ZNF862: variants seen among roughly 807,000 people sequenced by gnomAD.
ZNF862 encodes the protein zinc finger protein 862.
A neutral mutation model predicts 91.1 loss-of-function variants in ZNF862; 64 were observed. The ratio of observed to expected loss-of-function variants is 0.70; its 90% CI spans 0.57 to 0.87. The LOEUF is 0.87. Among genes scored for constraint, ZNF862 ranks in the 40% least tolerant of loss-of-function variants. The pLI is 0.00. For missense variants in ZNF862, 1,459 were observed against 1,528.0 expected (o/e 0.95, Z 0.75); for synonymous variants, 631 against 618.1 (o/e 1.02, Z -0.31).
chr7:149,841,172 C>T (rs894653651), intron 1 of ZNF862: 24 of 985,294 alleles, frequency 2.4e-5, no homozygotes, highest in Middle Eastern at 5.2e-4. Context: ...CAAGGAATAG[C>T]GGTGCTGTTC....
At chr7:149,859,741 G>T in intron 6 of ZNF862, 2 of 537,334 alleles carry the variant, frequency 3.7e-6, no homozygotes, top group Non-Finnish European at 6.6e-6. Context: ...AGGTCCTTTT[G>T]TAAGCAGAAG....
At position 149,867,460 on chromosome 7, in the gene ZNF862, G is replaced by T. The variant is rs1451065747; in HGVS notation, c.*3176G>T. 1 of 152,350 alleles carries T rather than the reference G, an allele frequency of 6.6e-6. No individual in the cohort carries two copies. Among genetic ancestry groups the T allele is most frequent in the South Asian group, 2.1e-4 (1 of 4,818 alleles). The allele number at this position is 152,350 out of a possible 1,614,324, so 9.4% of individuals were successfully genotyped here. ...CCTAACCTTTTGCTACCTGAATAAA[G>T]CAGAGTCTATTTCAACACATCTCTG... On this transcript the variant is annotated 3_prime_UTR_variant, in exon 8 of 8. Transcript: ENST00000223210.
intron 1 of ZNF862, among the ~76,000 whole-genome samples, chr7:149,842,295 C>T (rs1162720492): frequency 6.6e-6 from 1 of 152,142 alleles, no homozygotes. Flanking sequence ...CGAGGCAATG[C>T]ACAGAGCTAA....
intron 1 of ZNF862, chr7:149,841,233 C>T (rs1428096092): frequency 1.0e-6 from 1 of 985,286 alleles, no homozygotes; most frequent in Non-Finnish European, 1.2e-6. Flanking sequence ...GGGAGACTAC[C>T]TCGTGAGATA....
chr7:149,861,633 G>A lies in ZNF862; in HGVS notation c.2473G>A (p.Ala825Thr). 1.2e-6 allele frequency: 2 copies of A among 1,604,604 alleles called. No individual in the cohort carries two copies. Among genetic ancestry groups the A allele is most frequent in the Non-Finnish European group, 1.7e-6 (2 of 1,177,202 alleles). ...AEAGGQIGHR[A>T]KGMLKLMRGF... ...GGCTGGGGGCCAGATTGGGCACCGG[G>A]CCAAAGGGATGCTGAAGCTCATGCG... Residue 825 changes from alanine (A) to threonine (T), a missense_variant, in exon 7 of 8, where the codon GCC (alanine) becomes ACC (threonine). Transcript: ENST00000223210. This position sits in a 1 kb window ranked among gnomAD's most constrained non-coding sequence, Gnocchi z 6.7.
rs1307885704 is a variant in ZNF862, at chr7:149,861,236, G to A, written c.2076G>A (p.Val692=). 6.2e-7 allele frequency: 1 copy of A among 1,612,174 alleles called. No homozygotes were observed. The highest frequency in any genetic ancestry group is 1.1e-5 in the South Asian group (1 of 90,898). Residue 692 remains valine, a synonymous_variant, in exon 7 of 8, where the codon GTG becomes GTA. Coordinates refer to ENST00000223210, the MANE Select transcript of ZNF862 (RefSeq NM_001099220.3). This position sits in a 1 kb window ranked among gnomAD's most constrained non-coding sequence, Gnocchi z 6.7. ...DIPFRKPGWV[V]GLGTDGSAML... is the part of the protein sequence containing the mutation. ...CCTTCCGGAAGCCTGGCTGGGTGGT[G>A]GGGCTGGGGACGGATGGCTCAGCCA...
Position 149,864,305 on chromosome 7 carries a change from C to G in ZNF862, c.*21C>G. ...CCTGAGGGACAGGGAGTCCTTGGGA[C>G]TGCCTTGGAGACGCCTCTGTGATCA... On this transcript the variant is annotated 3_prime_UTR_variant, in exon 8 of 8. Transcript: ENST00000223210. 2 of 1,581,958 alleles carry G rather than the reference C, an allele frequency of 1.3e-6. No homozygotes were observed. Among genetic ancestry groups the G allele is most frequent in the Non-Finnish European group, 1.7e-6 (2 of 1,165,114 alleles).
chr7:149,853,520 G>C (rs760761592), intron 5 of ZNF862, among the ~76,000 whole-genome samples: 9 of 152,232 alleles, frequency 5.9e-5, no homozygotes, highest in South Asian at 2.1e-4. Flanking sequence ...ATCAGGGTAC[G>C]GTATTCCTGG....
Position 149,861,882 on chromosome 7 carries a change from G to C in ZNF862, c.2722G>C (p.Asp908His). The C allele has an allele frequency of 6.2e-7, 1 of 1,613,750 alleles. No homozygotes were observed. Among genetic ancestry groups the C allele is most frequent in the Non-Finnish European group, 8.5e-7 (1 of 1,179,890 alleles). ...KDGRLHGICLDKLEVAEQRFQ... is the reference protein window; with the variant it reads ...KDGRLHGICLHKLEVAEQRFQ... ...TGGGCGGCTCCACGGCATCTGCTTG[G>C]ACAAACTGGAGGTAGCGGAACAGCG... The change falls in exon 7 of 8, where the codon GAC (aspartate) becomes CAC (histidine). Residue 908 changes from aspartate to histidine, a missense_variant. Coordinates refer to ENST00000223210, the MANE Select transcript of ZNF862 (RefSeq NM_001099220.3). This position sits in a 1 kb window ranked among gnomAD's most constrained non-coding sequence, Gnocchi z 6.7.
chr7:149,838,541 G>T lies in ZNF862; in HGVS notation c.-71G>T, dbSNP rs926532973. ...CTCCGGGAGCCTGGGTCCCCGGGGC[G>T]GTCGCGGCGGCTGCATCCTCAGGCC... On this transcript the variant is annotated 5_prime_UTR_variant, in exon 1 of 8. Transcript: ENST00000223210. 7.4e-6 allele frequency: 8 copies of T among 1,078,122 alleles called. No individual in the cohort carries two copies. The highest frequency in any genetic ancestry group is 4.3e-5 in the Admixed American group (1 of 23,488). The allele number at this position is 1,078,122 out of a possible 1,614,324, so 66.8% of individuals were successfully genotyped here.
chr7:149,853,805 GCA>G (rs1802157364), intron 5 of ZNF862, among the ~76,000 whole-genome samples: 1 of 152,026 alleles, frequency 6.6e-6, no homozygotes, highest in Non-Finnish European at 1.5e-5. Context: ...GAGCGTAGTG[GCA>G]CACACCCTTA....
rs79336798 is a variant in ZNF862, at chr7:149,838,947, C to T, written c.24+312C>T. 2.0e-5 allele frequency among the ~76,000 whole-genome samples: 3 copies of T among 152,268 alleles called. No individual in the cohort carries two copies. The East Asian group carries it at 5.8e-4, about 30-fold the overall frequency. ...TTCCTGTTTTCCCCACCACCTTCGG[C>T]GTTTTGAAGAGGCCCTGCTAAGGCT... On this transcript the variant is annotated intron_variant, in intron 1 of 7. Coordinates refer to ENST00000223210, the MANE Select transcript of ZNF862 (RefSeq NM_001099220.3).
In ZNF862 at chr7:149,867,397, T is replaced by G. The variant is rs1335726848; in HGVS notation, c.*3113T>G. On this transcript the variant is annotated 3_prime_UTR_variant, in exon 8 of 8. Transcript: ENST00000223210. ...CCCAGGGATGTTCTCTCCTCTATTT[T>G]CAAAGATGAAAGGAGGTTTTAAAAA... is the stretch of plus-strand genomic sequence containing the variant. The G allele has an allele frequency of 1.3e-5, 2 of 152,214 alleles. No homozygotes were observed. Among genetic ancestry groups the G allele is most frequent in the Non-Finnish European group, 1.5e-5 (1 of 68,050 alleles). The allele number at this position is 152,214 out of a possible 1,614,324, so 9.4% of individuals were successfully genotyped here. A position where few individuals can be genotyped will look rare whatever the true frequency, so the allele number is the denominator to read the frequency against.
rs371011983 is a variant in ZNF862 at position 149,844,479 on chromosome 7, C to G, written c.25-146C>G. ...TCTCGTTGTCACTGTGATCTGTACC[C>G]AGGTGGGGAGAGATGGGGTGTGGGC... On this transcript the variant is annotated intron_variant, in intron 1 of 7. Transcript: ENST00000223210. 2,234 of 589,934 alleles carry G rather than the reference C, an allele frequency of 3.8e-3. 7 individuals carry two copies. The highest frequency in any genetic ancestry group is 3.8e-3 in the Non-Finnish European group (1,250 of 326,054). 36.5% of individuals were successfully genotyped at this position (589,934 alleles called of 1,614,324 possible). A position where few individuals can be genotyped will look rare whatever the true frequency, so the allele number is the denominator to read the frequency against.
chr7:149,854,871 G>A (rs1372419751), intron 5 of ZNF862, among the ~76,000 whole-genome samples: 1 of 152,208 alleles, frequency 6.6e-6, no homozygotes, highest in Non-Finnish European at 1.5e-5. Context: ...AACAGCACCA[G>A]CTTTTAAAGA....
chr7:149,847,384 T>G (rs898619011), intron 3 of ZNF862, among the ~76,000 whole-genome samples: 1 of 152,210 alleles, frequency 6.6e-6, no homozygotes. Context: ...TATGTCAGTG[T>G]TCTTATCCAT....
At position 149,860,424 on chromosome 7, in the gene ZNF862, G is replaced by A. The variant is rs867223882; in HGVS notation, c.1264G>A (p.Ala422Thr). 6.2e-7 allele frequency: 1 copy of A among 1,613,614 alleles called. No individual in the cohort carries two copies. Among genetic ancestry groups the A allele is most frequent in the Middle Eastern group, 1.6e-4 (1 of 6,062 alleles). Residue 422 changes from alanine (A) to threonine (T), a missense_variant, in exon 7 of 8, where the codon GCC becomes ACC. By Grantham distance (58) the Ala-to-Thr change is moderately conservative (BLOSUM62 0). Coordinates refer to ENST00000223210, the MANE Select transcript of ZNF862 (RefSeq NM_001099220.3). ...GGCAGTGAGAGAGGCAGACACACAGGCCTCGGCTGCAGACTCCGCGTTGCT... is the reference window on the plus strand; with the variant it reads ...GGCAGTGAGAGAGGCAGACACACAGACCTCGGCTGCAGACTCCGCGTTGCT... ...MVAVREADTQ[A>T]SAADSALLPG...
chr7:149,846,689 G>T (rs1281026118), intron 3 of ZNF862, among the ~76,000 whole-genome samples: 1 of 152,306 alleles, frequency 6.6e-6, no homozygotes, highest in East Asian at 1.9e-4. Context: ...TCAGGGGTTG[G>T]CTTAGCCAGG....
chr7:149,853,035 G>A (rs1207195272), intron 5 of ZNF862, among the ~76,000 whole-genome samples: 1 of 152,222 alleles, frequency 6.6e-6, no homozygotes, highest in Non-Finnish European at 1.5e-5. Context: ...GCCTCCAAGT[G>A]GGGGCAGCCG....
Sources: gnomAD v4.1 joint callset for allele counts (sites outside exome capture counted in the v4.1 genomes callset) on GRCh38, gnomAD v4.1.1 for gene constraint, Gnocchi (gnomAD v3.1) non-coding constraint, MANE v1.5 for transcripts, NCBI Gene and HGNC (gene_info 2026-07-23, HGNC 2026-07-21) for gene names.